The following FGD4 variants were observed in gnomAD, a reference collection of about 807,000 sequenced individuals.
The protein encoded by FGD4 is FYVE, RhoGEF and PH domain containing 4.
Under a neutral mutation model 102.0 loss-of-function variants are expected in FGD4, and 42 were observed. The ratio of observed to expected loss-of-function variants is 0.41; its 90% confidence interval spans 0.32 to 0.53. FGD4 has a LOEUF of 0.53. Ranked by LOEUF, FGD4 falls within the 20% of genes least tolerant of loss-of-function variation. FGD4 has a pLI of 0.21. For synonymous variants in FGD4, 380 were observed against 375.7 expected, an observed-to-expected ratio of 1.01 and a Z score of -0.13; for missense variants, 902 against 1,078.2, an observed-to-expected ratio of 0.84 and a Z score of 2.29.
chr12:32,526,043 G>T (rs1052273320), intron 1 of FGD4, among the ~76,000 whole-genome samples: 1 of 152,372 alleles, frequency 6.6e-6, no homozygotes, highest in East Asian at 1.9e-4. Context: ...CCACGCAAGG[G>T]CTGAGGAATG....
At chr12:32,529,829 T>G in intron 1 of FGD4, among the ~76,000 whole-genome samples, 1 of 138,388 alleles carries the variant, frequency 7.2e-6, no homozygotes, top group African/African-American at 2.7e-5. Flanking sequence ...GGTGACAGAG[T>G]GAGACTCTGT....
intron 1 of FGD4, among the ~76,000 whole-genome samples, chr12:32,526,718 C>T (rs1475354740): frequency 6.6e-6 from 1 of 152,312 alleles, no homozygotes; most frequent in East Asian, 1.9e-4. Context: ...GTCCATGCTG[C>T]TTTTATGAGC....
At chr12:32,562,437 T>C (rs1944692102) in intron 1 of FGD4, among the ~76,000 whole-genome samples, 2 of 152,234 alleles carry the variant, frequency 1.3e-5, no homozygotes, top group African/African-American at 4.8e-5. Flanking sequence ...TTTTTATTGA[T>C]CATTCTTGGG....
intron 3 of FGD4, among the ~76,000 whole-genome samples, chr12:32,577,167 CAATT>C (rs944664987): frequency 6.7e-6 from 1 of 148,358 alleles, no homozygotes; most frequent in African/African-American, 2.4e-5. Context: ...ATAAAACTCT[CAATT>C]GTTTATTTTT....
chr12:32,566,525 A>AT (rs1945202331), intron 2 of FGD4, among the ~76,000 whole-genome samples: 1 of 152,076 alleles, frequency 6.6e-6, no homozygotes, highest in Admixed American at 6.5e-5. Context: ...ACACTGCTAT[A>AT]TTGCTGCATT....
intron 10 of FGD4, among the ~76,000 whole-genome samples, chr12:32,613,948 T>G (rs749686229): frequency 7.9e-5 from 12 of 152,020 alleles, no homozygotes; most frequent in Non-Finnish European, 1.8e-4. Flanking sequence ...CGCAAAGAAA[T>G]CAGCAGTTTA....
At chr12:32,545,221 A>T (rs918729059) in intron 1 of FGD4, among the ~76,000 whole-genome samples, 2 of 152,210 alleles carry the variant, frequency 1.3e-5, no homozygotes, top group Non-Finnish European at 1.5e-5. Flanking sequence ...TGAAGATTAT[A>T]CCATATAACA....
chr12:32,542,595 A>G (rs1334676451), intron 1 of FGD4, among the ~76,000 whole-genome samples: 3 of 152,222 alleles, frequency 2.0e-5, no homozygotes, highest in African/African-American at 7.2e-5. Flanking sequence ...GAAGCAAGGG[A>G]AAAGCCAAGA....
intron 1 of FGD4, among the ~76,000 whole-genome samples, chr12:32,474,045 G>A (rs746480105): frequency 1.1e-4 from 16 of 151,330 alleles, no homozygotes; most frequent in African/African-American, 1.9e-4. Flanking sequence ...CTGAGAGCGC[G>A]CCACTGCACT....
At chr12:32,634,237 A>G (rs977335769) in intron 15 of FGD4, among the ~76,000 whole-genome samples, 2 of 152,172 alleles carry the variant, frequency 1.3e-5, no homozygotes, top group African/African-American at 2.4e-5. Context: ...ATTAATTGGC[A>G]TCTCTTCTTA....
intron 1 of FGD4, among the ~76,000 whole-genome samples, chr12:32,461,211 G>A (rs773102083): frequency 6.6e-6 from 1 of 152,080 alleles, no homozygotes; most frequent in East Asian, 1.9e-4. Flanking sequence ...TTTAAATTAA[G>A]ATAACGCACA....
At chr12:32,639,213 T>A (rs902777450) in intron 16 of FGD4, among the ~76,000 whole-genome samples, 7 of 152,170 alleles carry the variant, frequency 4.6e-5, no homozygotes, top group Non-Finnish European at 7.3e-5. Context: ...ACCCAGGCTA[T>A]AGTGCAATGG....
chr12:32,574,323 C>A (rs1275772348), intron 2 of FGD4, among the ~76,000 whole-genome samples: 1 of 145,722 alleles, frequency 6.9e-6, no homozygotes, highest in Non-Finnish European at 1.5e-5. Context: ...TTATTCATAA[C>A]CTTAAGTGTT....
intron 1 of FGD4, among the ~76,000 whole-genome samples, chr12:32,538,480 G>A (rs1942502320): frequency 6.6e-6 from 1 of 152,084 alleles, no homozygotes; most frequent in African/African-American, 2.4e-5. Context: ...GCTAACCTCT[G>A]GTGTCCCTTG....
chr12:32,448,504 A>C (rs1401192901), intron 1 of FGD4, among the ~76,000 whole-genome samples: 9 of 152,086 alleles, frequency 5.9e-5, no homozygotes, highest in Non-Finnish European at 2.9e-5. Flanking sequence ...CTAAAAATAC[A>C]AAATTAGCCA....
At chr12:32,620,512 T>TTTTCTTTCTTTC (rs1169374242) in intron 11 of FGD4, among the ~76,000 whole-genome samples, 1,422 of 129,412 alleles carry the variant, frequency 0.011, 27 homozygotes, top group Middle Eastern at 0.039. Flanking sequence ...TAACCATTTT[T>TTTTCTTTCTTTC]TTTCTTTCTT....
chr12:32,501,549 A>G (rs2136621063), intron 1 of FGD4, among the ~76,000 whole-genome samples: 1 of 152,336 alleles, frequency 6.6e-6, no homozygotes, highest in East Asian at 1.9e-4. Flanking sequence ...TGAAAATTTT[A>G]AATCCAGCAC....
intron 1 of FGD4, among the ~76,000 whole-genome samples, chr12:32,530,584 C>T (rs780304422): frequency 7.9e-5 from 12 of 152,134 alleles, no homozygotes; most frequent in Non-Finnish European, 4.4e-5. Context: ...GGTGAAAGGG[C>T]TGGATGATAG....
intron 1 of FGD4, among the ~76,000 whole-genome samples, chr12:32,472,014 G>C (rs1943427039): frequency 6.6e-6 from 1 of 152,196 alleles, no homozygotes; most frequent in South Asian, 2.1e-4. Flanking sequence ...ATGCACGATA[G>C]AGCAGCCCAT....
Sources: gnomAD v4.1 joint callset for allele counts (sites outside exome capture counted in the v4.1 genomes callset) on GRCh38, gnomAD v4.1.1 for gene constraint, MANE v1.5 for transcripts, NCBI Gene and HGNC (gene_info 2026-07-23, HGNC 2026-07-21) for gene names.